Variants in NAA15 observed in about 807,000 individuals in gnomAD.
NAA15 encodes the protein N-alpha-acetyltransferase 15, NatA auxiliary subunit.
Under a neutral mutation model 114.0 loss-of-function variants are expected in NAA15, and 34 were observed. The observed-to-expected ratio is 0.30, with a 90% CI of 0.23 to 0.40. NAA15 has a LOEUF of 0.40. Among genes scored for constraint, NAA15 ranks in the 10% least tolerant of loss-of-function variants. The probability of loss-of-function intolerance (pLI) is 1.00; values close to 1 mark genes in which losing one functional copy is unlikely to be tolerated. For missense variants in NAA15, 658 were observed against 1,004.5 expected (o/e 0.66, Z 4.66); for synonymous variants, 340 against 338.0 (o/e 1.01, Z -0.06).
At chr4:139,345,793 C>T (rs998973033) in intron 6 of NAA15, among the ~76,000 whole-genome samples, 1 of 151,968 alleles carries the variant, frequency 6.6e-6, no homozygotes, top group Non-Finnish European at 1.5e-5. Context: ...TGGTGGCAGG[C>T]GCCTGTAGTC....
chr4:139,353,963 T>G (rs1747861237), intron 9 of NAA15, 63 bp from the exon 10 acceptor site: 1 of 1,299,260 alleles, frequency 7.7e-7, no homozygotes, highest in African/African-American at 1.5e-5. Flanking sequence ...ATAACACATT[T>G]TGCATAAGAA....
chr4:139,315,564 A>G (rs1746384449), intron 1 of NAA15, among the ~76,000 whole-genome samples: 1 of 151,816 alleles, frequency 6.6e-6, no homozygotes, highest in African/African-American at 2.4e-5. Flanking sequence ...AATCTGAGTA[A>G]AAGAGAAAAG....
In NAA15 at chr4:139,329,682, G is replaced by A. The variant is rs147667364; in HGVS notation, c.55-4492G>A. ...CTGTGAGAATTGTTAAACTTAATGC[G>A]TCCTCATCATTCTTTGTCTGGCCTT... On this transcript the variant is annotated intron_variant, in intron 1 of 19. Transcript: ENST00000296543. 2.0e-4 allele frequency among the ~76,000 whole-genome samples: 30 copies of A among 152,274 alleles called. No individual in the cohort carries two copies. In the East Asian group the frequency reaches 5.6e-3, roughly 28 times the overall value.
rs536911753 is a variant in NAA15, at chr4:139,303,419, C to T, written c.54+1588C>T. Among the ~76,000 whole-genome samples the T allele has an allele frequency of 1.5e-4, 23 of 152,254 alleles. No individual in the cohort carries two copies. In the South Asian group the frequency reaches 4.8e-3, roughly 32 times the overall value. On this transcript the variant is annotated intron_variant, in intron 1 of 19. Coordinates refer to ENST00000296543, the MANE Select transcript of NAA15 (RefSeq NM_057175.5). ...AACAAGGAACACTCATAAACCTTTA[C>T]TTATATTTATTTGCCATATATGCTT...
At chr4:139,357,314 A>G (rs572010638) in intron 10 of NAA15, 72 bp from the exon 11 acceptor site, 1 of 1,311,464 alleles carries the variant, frequency 7.6e-7, no homozygotes, top group East Asian at 2.3e-5. Context: ...TAATAAACAT[A>G]GGGACCATTT....
intron 1 of NAA15, among the ~76,000 whole-genome samples, chr4:139,310,176 C>T (rs1012141367): frequency 2.6e-5 from 4 of 152,064 alleles, no homozygotes; most frequent in Non-Finnish European, 4.4e-5. Context: ...ATTTTTGGGC[C>T]GGGCGCGGTG....
chr4:139,320,280 A>G (rs903252176), intron 1 of NAA15, among the ~76,000 whole-genome samples: 3 of 152,100 alleles, frequency 2.0e-5, no homozygotes, highest in Non-Finnish European at 4.4e-5. Context: ...TTTATTTTTC[A>G]ACATCTTTGC....
At chr4:139,305,392 G>T (rs980985578) in intron 1 of NAA15, among the ~76,000 whole-genome samples, 3 of 151,734 alleles carry the variant, frequency 2.0e-5, no homozygotes, top group Non-Finnish European at 4.4e-5. Flanking sequence ...TTGATTTTTT[G>T]AAATTGCTTC....
chr4:139,386,333 A>G (rs1307138203), intron 19 of NAA15, 103 bp downstream of exon 19: 3 of 564,372 alleles, frequency 5.3e-6, no homozygotes, highest in South Asian at 3.2e-5. Context: ...ATCATTATGA[A>G]TCTGGGTCAG....
intron 4 of NAA15, among the ~76,000 whole-genome samples, chr4:139,342,119 G>A (rs1451393790): frequency 6.6e-6 from 1 of 152,038 alleles, no homozygotes; most frequent in Non-Finnish European, 1.5e-5. Context: ...GATCTATTTA[G>A]TTCCTCTTTC....
chr4:139,370,973 G>T (rs1748420232), intron 15 of NAA15, among the ~76,000 whole-genome samples: 1 of 152,140 alleles, frequency 6.6e-6, no homozygotes, highest in Admixed American at 6.5e-5. Flanking sequence ...AATCTGACCT[G>T]CTGGTTTTAA....
intron 19 of NAA15, chr4:139,386,498 G>A (rs1003941234): frequency 2.0e-5 from 5 of 254,688 alleles, no homozygotes; most frequent in Non-Finnish European, 3.8e-5. Flanking sequence ...CTGCATTTCT[G>A]AGCAAGCAGT....
At position 139,330,975 on chromosome 4, in the gene NAA15, C is replaced by T. The variant is rs540353393; in HGVS notation, c.55-3199C>T. On this transcript the variant is annotated intron_variant, in intron 1 of 19. Transcript: ENST00000296543. The stretch of plus-strand genomic sequence containing the variant: ...CTACCATGATTTTTGTCATCACTTG[C>T]ATTAACTTCTTTCCCAGATTTTAAA... Among the ~76,000 whole-genome samples, 10 of 152,248 alleles carry T rather than the reference C, an allele frequency of 6.6e-5. No individual in the cohort carries two copies. In the East Asian group the frequency reaches 1.7e-3, roughly 26 times the overall value.
chr4:139,383,523 T>G (rs544536613), intron 17 of NAA15, among the ~76,000 whole-genome samples: 2 of 152,272 alleles, frequency 1.3e-5, no homozygotes, highest in African/African-American at 4.8e-5. Flanking sequence ...CAGGCTGGAA[T>G]GCAGTGGCAT....
rs751587048 is a variant in NAA15, at chr4:139,301,782, C to T, written c.5C>T (p.Pro2Leu). The T allele has an allele frequency of 1.9e-6, 3 of 1,578,880 alleles. No homozygotes were observed. Among genetic ancestry groups the T allele is most frequent in the Non-Finnish European group, 2.6e-6 (3 of 1,161,870 alleles). The change falls in exon 1 of 20, where the codon CCG becomes CTG. Residue 2 changes from proline (P) to leucine (L), a missense_variant. Transcript: ENST00000296543. M[P>L]AVSLPPKENA... ...GCAGCGGGAGCAGCCGGAACGATGC[C>T]GGCCGTGAGCCTCCCGCCCAAGGAG...
chr4:139,358,522 AT>A (rs35993104), intron 11 of NAA15, among the ~76,000 whole-genome samples: 20,899 of 151,356 alleles, frequency 0.14, 1,770 homozygotes, highest in Non-Finnish European at 0.19. Context: ...TTTTTTATTT[AT>A]TTTTTTTATT....
chr4:139,317,494 G>T (rs569481939), intron 1 of NAA15, among the ~76,000 whole-genome samples: 1 of 152,310 alleles, frequency 6.6e-6, no homozygotes, highest in African/African-American at 2.4e-5. Flanking sequence ...GGTGGCACAT[G>T]CCTGCAATCC....
chr4:139,333,029 A>G (rs1439161579), intron 1 of NAA15, among the ~76,000 whole-genome samples: 1 of 152,208 alleles, frequency 6.6e-6, no homozygotes, highest in Non-Finnish European at 1.5e-5. Context: ...ATCCTCTTGT[A>G]TACTGTAAAT....
intron 1 of NAA15, among the ~76,000 whole-genome samples, chr4:139,332,061 C>G (rs968039213): frequency 6.6e-6 from 1 of 152,108 alleles, no homozygotes; most frequent in Non-Finnish European, 1.5e-5. Context: ...TAGCTTTTGA[C>G]TCTGCTCCAC....
Sources: gnomAD v4.1 joint callset for allele counts (sites outside exome capture counted in the v4.1 genomes callset) on GRCh38, gnomAD v4.1.1 for gene constraint, MANE v1.5 for transcripts, NCBI Gene and HGNC (gene_info 2026-07-23, HGNC 2026-07-21) for gene names.